ZNF566: variants seen among roughly 807,000 people sequenced by gnomAD.
ZNF566 encodes the protein zinc finger protein 566.
Under a neutral mutation model 32.8 loss-of-function variants are expected in ZNF566, and 27 were observed. The observed-to-expected ratio is 0.82, with a 90% CI of 0.61 to 1.14. The LOEUF is 1.14. ZNF566 is among the 50% of genes most tolerant of loss of function. The pLI, the probability that ZNF566 is intolerant of heterozygous loss-of-function variation, is 0.00. For synonymous variants in ZNF566, 154 were observed against 159.5 expected, an observed-to-expected ratio of 0.97 and a Z score of 0.26; for missense variants, 402 against 490.4, an observed-to-expected ratio of 0.82 and a Z score of 1.70.
At chr19:36,488,646 C>T (rs1181973963) in intron 1 of ZNF566, among the ~76,000 whole-genome samples, 1 of 152,042 alleles carries the variant, frequency 6.6e-6, no homozygotes, top group Non-Finnish European at 1.5e-5. Flanking sequence ...AATAGGGCAT[C>T]ATTACTAGAA....
rs2145631607 is a variant in ZNF566, at chr19:36,449,819, A to G, written c.415T>C (p.Phe139Leu). 6.2e-7 allele frequency: 1 copy of G among 1,614,122 alleles called. No individual in the cohort carries two copies. Among genetic ancestry groups the G allele is most frequent in the East Asian group, 2.2e-5 (1 of 44,874 alleles). ...TCATGAGTGAATACCAATTGATTGA[A>G]ATGTCCCCCCTGAGAGCCGAGTTCT... ...KKELGSQGGH[F>L]NQLVFTHEDL... Residue 139 changes from phenylalanine (F) to leucine (L), a missense_variant, in exon 5 of 5, where the codon TTC (phenylalanine) becomes CTC (leucine). Phe to Leu is a conservative substitution (Grantham distance 22). Transcript: ENST00000452939.
intron 4 of ZNF566, among the ~76,000 whole-genome samples, 192 bp from the exon 5 acceptor site, chr19:36,450,193 T>C (rs1367559995): frequency 6.6e-6 from 1 of 152,192 alleles, no homozygotes; most frequent in East Asian, 1.9e-4. Context: ...TTCCCAAACA[T>C]TGCTATAGAT....
intron 1 of ZNF566, among the ~76,000 whole-genome samples, chr19:36,487,386 G>A (rs2034193979): frequency 6.6e-6 from 1 of 152,162 alleles, no homozygotes; most frequent in Non-Finnish European, 1.5e-5. Flanking sequence ...ACACAGCAGA[G>A]TGTTCACAGC....
At position 36,449,094 on chromosome 19, in the gene ZNF566, T is replaced by C; in HGVS notation, c.1140A>G (p.Ser380=). 6.2e-7 allele frequency: 1 copy of C among 1,614,126 alleles called. No individual in the cohort carries two copies. Among genetic ancestry groups the C allele is most frequent in the South Asian group, 1.1e-5 (1 of 91,086 alleles). ...KICGKAYSQS[S]QLISHHRIHT... is the part of the protein sequence containing the mutation. ...GAATTCTATGATGACTAATAAGCTG[T>C]GAACTCTGAGAATAAGCCTTCCCAC... is the stretch of plus-strand genomic sequence containing the variant. The change falls in exon 5 of 5, where the codon TCA becomes TCG. Residue 380 remains serine, a synonymous_variant. Coordinates refer to ENST00000452939, the MANE Select transcript of ZNF566 (RefSeq NM_001145344.1).
intron 4 of ZNF566, 51 bp from the exon 5 acceptor site, chr19:36,450,052 A>C: frequency 6.8e-7 from 1 of 1,480,382 alleles, no homozygotes; most frequent in Non-Finnish European, 9.0e-7. Flanking sequence ...TTTGGGAGAA[A>C]CAAAACTTCA....
chr19:36,449,641 G>T lies in ZNF566; in HGVS notation c.593C>A (p.Pro198His). Reference protein sequence around the residue: ...THEIIHTIEKPYECKECGKSF... With the variant: ...THEIIHTIEKHYECKECGKSF... ...CTTTCCACATTCCTTACATTCATAAGGCTTCTCAATGGTATGAATTATCTC... is the reference window on the plus strand; with the variant it reads ...CTTTCCACATTCCTTACATTCATAATGCTTCTCAATGGTATGAATTATCTC... The change falls in exon 5 of 5, where the codon CCT becomes CAT. Residue 198 changes from proline (P) to histidine (H), a missense_variant. Coordinates refer to ENST00000452939, the MANE Select transcript of ZNF566 (RefSeq NM_001145344.1). 1 of 1,614,084 alleles carries T rather than the reference G, an allele frequency of 6.2e-7. No individual in the cohort carries two copies. Among genetic ancestry groups the T allele is most frequent in the Non-Finnish European group, 8.5e-7 (1 of 1,180,006 alleles).
chr19:36,487,682 C>T (rs2034200745), intron 1 of ZNF566, among the ~76,000 whole-genome samples: 2 of 151,898 alleles, frequency 1.3e-5, no homozygotes, highest in Non-Finnish European at 2.9e-5. Flanking sequence ...CCAAGGTGGG[C>T]GGATCACCTG....
At chr19:36,476,306 GAAA>G (rs74174412) in intron 2 of ZNF566, 573 of 223,370 alleles carry the variant, frequency 2.6e-3, no homozygotes, top group Middle Eastern at 9.1e-3. Context: ...ACTCCATCTC[GAAA>G]AAAAAAAAAA....
intron 4 of ZNF566, among the ~76,000 whole-genome samples, chr19:36,460,098 T>G (rs1256583421): frequency 6.6e-6 from 1 of 152,088 alleles, no homozygotes; most frequent in Non-Finnish European, 1.5e-5. Context: ...TAAGCCACTG[T>G]GCCTGGCTTT....
intron 1 of ZNF566, among the ~76,000 whole-genome samples, chr19:36,481,338 G>A (rs551827211): frequency 6.6e-6 from 1 of 151,990 alleles, no homozygotes; most frequent in Non-Finnish European, 1.5e-5. Context: ...GGGCGTGGCG[G>A]CACGCGCCTG....
chr19:36,461,565 G>T (rs937004330), intron 4 of ZNF566, among the ~76,000 whole-genome samples: 4 of 152,090 alleles, frequency 2.6e-5, no homozygotes, highest in African/African-American at 7.2e-5. Context: ...AGCTACTCAG[G>T]GAGGCTGAGG....
In ZNF566 at chr19:36,445,940, C is replaced by T. The variant is rs868451712; in HGVS notation, c.*3037G>A. On this transcript the variant is annotated 3_prime_UTR_variant, in exon 5 of 5. Transcript: ENST00000452939. The stretch of plus-strand genomic sequence containing the variant: ...CTTTTAGATGGCAAAAAAGCGCAAA[C>T]AATCCATAATATCACAATTGGGAAA... 2.0e-5 allele frequency: 3 copies of T among 152,046 alleles called. No homozygotes were observed. Among genetic ancestry groups the T allele is most frequent in the African/African-American group, 4.8e-5 (2 of 41,388 alleles). The allele number at this position is 152,046 out of a possible 1,614,324, so 9.4% of individuals were successfully genotyped here.
intron 4 of ZNF566, among the ~76,000 whole-genome samples, chr19:36,459,362 G>A (rs983003253): frequency 2.0e-5 from 3 of 152,076 alleles, no homozygotes; most frequent in African/African-American, 2.4e-5. Flanking sequence ...TTACAGGCAT[G>A]AGACACCATG....
At chr19:36,488,949 C>G (rs1391788692) in intron 1 of ZNF566, among the ~76,000 whole-genome samples, 4 of 151,984 alleles carry the variant, frequency 2.6e-5, no homozygotes, top group African/African-American at 9.7e-5. Flanking sequence ...GCAACAGGGT[C>G]GCACACGCAG....
In ZNF566 at chr19:36,470,810, T is replaced by G. The variant is rs530271263; in HGVS notation, c.232+2101A>C. ...CTGTAATCCCAGCTACTCGGGAGGA[T>G]GAGGCACGAGAATCGCTTGAACCCA... On this transcript the variant is annotated intron_variant, in intron 4 of 4. Transcript: ENST00000452939. 7.2e-5 allele frequency among the ~76,000 whole-genome samples: 11 copies of G among 151,918 alleles called. No individual in the cohort carries two copies. In the East Asian group the frequency reaches 2.1e-3, roughly 29 times the overall value.
At position 36,448,661 on chromosome 19, in the gene ZNF566, A is replaced by T. The variant is rs555513183; in HGVS notation, c.*316T>A. 40 of 196,768 alleles carry T rather than the reference A, an allele frequency of 2.0e-4. No individual in the cohort carries two copies. Among genetic ancestry groups the T allele is most frequent in the Non-Finnish European group, 3.9e-4 (38 of 98,026 alleles). 12.2% of individuals were successfully genotyped at this position (196,768 alleles called of 1,614,324 possible). A position where few individuals can be genotyped will look rare whatever the true frequency, so the allele number is the denominator to read the frequency against. On this transcript the variant is annotated 3_prime_UTR_variant, in exon 5 of 5. Transcript: ENST00000452939. ...GACAATCACAGGACTACATTTCTAC[A>T]AAAATTCTCTGACGTTAAGAAGGTT...
At chr19:36,476,823 G>A (rs1448956841) in intron 1 of ZNF566, among the ~76,000 whole-genome samples, 1 of 152,034 alleles carries the variant, frequency 6.6e-6, no homozygotes, top group African/African-American at 2.4e-5. Flanking sequence ...ATGGCTTGGA[G>A]AATATATGTT....
chr19:36,450,968 G>A (rs1478221973), intron 4 of ZNF566, among the ~76,000 whole-genome samples: 6 of 152,288 alleles, frequency 3.9e-5, no homozygotes, highest in East Asian at 1.9e-4. Context: ...TACAGTAGCC[G>A]CTAGCTACAT....
In ZNF566 at chr19:36,446,125, CATAATAAA is replaced by C. The variant is rs2032986326; in HGVS notation, c.*2844_*2851del. On this transcript the variant is annotated 3_prime_UTR_variant, in exon 5 of 5. Coordinates refer to ENST00000452939, the MANE Select transcript of ZNF566 (RefSeq NM_001145344.1). ...ATAGTTATCCATTTTTCTGTAAAAA[CATAATAAA>C]ATAATTGTGTGTTAATGTTTTAGCA... 1 of 142,996 alleles carries C rather than the reference CATAATAAA, an allele frequency of 7.0e-6. No individual in the cohort carries two copies. Among genetic ancestry groups the C allele is most frequent in the Admixed American group, 7.0e-5 (1 of 14,244 alleles). 8.9% of individuals were successfully genotyped at this position (142,996 alleles called of 1,614,324 possible).
Sources: allele counts gnomAD v4.1 joint callset (sites outside exome capture counted in the v4.1 genomes callset), GRCh38; gene constraint gnomAD v4.1.1; transcripts MANE v1.5; gene names NCBI Gene and HGNC (gene_info 2026-07-23, HGNC 2026-07-21).